The following RAB11FIP4 variants were observed in gnomAD, a reference collection of about 807,000 sequenced individuals.
RAB11FIP4 encodes RAB11 family interacting protein 4, also known as rab11 family-interacting protein 4.
In RAB11FIP4, 23 loss-of-function variants were observed where a neutral mutation model predicts 74.3. That is an observed-to-expected ratio of 0.31 (90% CI 0.22 to 0.44). The LOEUF is 0.44. Ranked by LOEUF, RAB11FIP4 falls within the 20% of genes least tolerant of loss-of-function variation. RAB11FIP4 has a pLI of 1.00. For synonymous variants in RAB11FIP4, 360 were observed against 359.9 expected, an observed-to-expected ratio of 1.00 and a Z score of 0.00; for missense variants, 630 against 863.9, an observed-to-expected ratio of 0.73 and a Z score of 3.39.
At chr17:31,528,366 C>G in intron 11 of RAB11FIP4, 40 bp from the exon 12 acceptor site, 1 of 1,596,416 alleles carries the variant, frequency 6.3e-7, no homozygotes, top group South Asian at 1.1e-5. Flanking sequence ...GAGCCCCTCT[C>G]TGGGAACTCT....
At chr17:31,435,406 T>C (rs1164877577) in intron 3 of RAB11FIP4, among the ~76,000 whole-genome samples, 2 of 152,204 alleles carry the variant, frequency 1.3e-5, no homozygotes, top group Non-Finnish European at 2.9e-5. Context: ...GTGTTTCTTA[T>C]GAAACTTTGA....
intron 3 of RAB11FIP4, chr17:31,488,468 C>A: frequency 1.8e-6 from 1 of 542,388 alleles, no homozygotes; most frequent in Non-Finnish European, 2.4e-6. Context: ...AGCGCAGTTC[C>A]AGGAAGTGCT....
rs2072958668 is a variant in RAB11FIP4 at position 31,536,149 on chromosome 17, C to A, written c.*4417C>A. The A allele has an allele frequency of 6.6e-6, 1 of 152,130 alleles. No individual in the cohort carries two copies. Among genetic ancestry groups the A allele is most frequent in the Admixed American group, 6.5e-5 (1 of 15,268 alleles). 9.4% of individuals were successfully genotyped at this position (152,130 alleles called of 1,614,324 possible). On this transcript the variant is annotated 3_prime_UTR_variant, in exon 15 of 15. Coordinates refer to ENST00000621161, the MANE Select transcript of RAB11FIP4 (RefSeq NM_032932.6). ...GTGAAACTGGGAGAAATGAAGCCCT[C>A]TGTGTCCTGTGTGTGTGGTGGGGTT...
At chr17:31,413,276 C>T (rs549868983) in intron 1 of RAB11FIP4, among the ~76,000 whole-genome samples, 3 of 152,118 alleles carry the variant, frequency 2.0e-5, no homozygotes, top group African/African-American at 7.2e-5. Context: ...CCAGCACCCC[C>T]CTTTGATGAG....
chr17:31,521,131 G>A, intron 4 of RAB11FIP4, 35 bp from the exon 5 acceptor site: 2 of 1,485,510 alleles, frequency 1.3e-6, no homozygotes, highest in Non-Finnish European at 1.8e-6. Context: ...GGACCCATGA[G>A]TCCTCCTCTG....
intron 5 of RAB11FIP4, 92 bp downstream of exon 5, chr17:31,521,452 C>A: frequency 2.6e-6 from 3 of 1,157,806 alleles, no homozygotes; most frequent in Admixed American, 2.7e-5. Flanking sequence ...GAGTCCTGAG[C>A]TGGCCCTTTT....
chr17:31,445,563 TATATATATATA>T (rs1377753872), intron 3 of RAB11FIP4, among the ~76,000 whole-genome samples: 6 of 12,460 alleles, frequency 4.8e-4, no homozygotes, highest in African/African-American at 1.1e-3. Context: ...TATATATATA[TATATATATATA>T]TATATTTTTT....
chr17:31,417,915 A>G (rs2071163251), intron 1 of RAB11FIP4, among the ~76,000 whole-genome samples: 1 of 152,184 alleles, frequency 6.6e-6, no homozygotes, highest in Non-Finnish European at 1.5e-5. Context: ...CCTGGGCAAC[A>G]TAATGAGACC....
Position 31,495,213 on chromosome 17 carries a change from C to T in RAB11FIP4, c.337-22438C>T, listed in dbSNP as rs144434069. ...CCAGACAAAAAGGTGCAGGCTGTGCCACCGCCCAGCCACACTGGGTGACTG... is the reference window on the plus strand; with the variant it reads ...CCAGACAAAAAGGTGCAGGCTGTGCTACCGCCCAGCCACACTGGGTGACTG... On this transcript the variant is annotated intron_variant, in intron 3 of 14. Transcript: ENST00000621161. Among the ~76,000 whole-genome samples the T allele has an allele frequency of 5.3e-3, 802 of 152,276 alleles. 5 individuals are homozygous for T. The highest frequency in any genetic ancestry group is 0.018 in the African/African-American group (751 of 41,550).
At chr17:31,500,297 T>C (rs1346191473) in intron 3 of RAB11FIP4, among the ~76,000 whole-genome samples, 1 of 152,062 alleles carries the variant, frequency 6.6e-6, no homozygotes, top group Non-Finnish European at 1.5e-5. Flanking sequence ...GTTTGGGCCA[T>C]GTCACAGGCC....
At chr17:31,524,571 G>A (rs2142823147) in intron 9 of RAB11FIP4, 1 of 178,010 alleles carries the variant, frequency 5.6e-6, no homozygotes, top group African/African-American at 2.4e-5. Context: ...GGTCAGCCTG[G>A]TGGAGGGGCT....
chr17:31,530,218 G>A lies in RAB11FIP4; in HGVS notation c.1654-108G>A, dbSNP rs980158331. The A allele has an allele frequency of 3.5e-6, 5 of 1,408,470 alleles. No individual in the cohort carries two copies. The African/African-American group carries it at 7.1e-5, about 20-fold the overall frequency. 87.2% of individuals were successfully genotyped at this position (1,408,470 alleles called of 1,614,324 possible). On this transcript the variant is annotated intron_variant, in intron 13 of 14. Transcript: ENST00000621161. The stretch of plus-strand genomic sequence containing the variant: ...TGAACCAGCCGTGACACACACCTGT[G>A]GGAATGGCGCTGGCGGCAGGTCGGG...
At chr17:31,524,046 AG>A (rs751896202) in intron 9 of RAB11FIP4, 50 bp downstream of exon 9, 4 of 1,372,602 alleles carry the variant, frequency 2.9e-6, no homozygotes, top group South Asian at 1.2e-5. Flanking sequence ...TGGGGAACAA[AG>A]GGGGGTCCAT....
intron 5 of RAB11FIP4, 35 bp from the exon 6 acceptor site, chr17:31,521,880 A>C (rs1442599762): frequency 1.2e-6 from 2 of 1,613,402 alleles, no homozygotes; most frequent in Non-Finnish European, 1.7e-6. Flanking sequence ...ACTGGACAGC[A>C]GTTAAGGTGG....
chr17:31,454,574 T>G (rs1487074253), intron 3 of RAB11FIP4, among the ~76,000 whole-genome samples: 1 of 151,956 alleles, frequency 6.6e-6, no homozygotes, highest in Non-Finnish European at 1.5e-5. Context: ...GTGCCTTGCC[T>G]AAGTCTGATT....
chr17:31,526,241 A>G (rs2072764814), intron 10 of RAB11FIP4: 1 of 152,280 alleles, frequency 6.6e-6, no homozygotes, highest in African/African-American at 2.4e-5. Flanking sequence ...CTGGCCCAAG[A>G]GAGGTGGCTG....
intron 3 of RAB11FIP4, among the ~76,000 whole-genome samples, chr17:31,502,980 C>T (rs1005585469): frequency 6.6e-5 from 10 of 151,958 alleles, no homozygotes; most frequent in African/African-American, 2.4e-4. Context: ...GCGTTAGGGC[C>T]CACCCATTAG....
At chr17:31,456,381 A>AT (rs999171293) in intron 3 of RAB11FIP4, among the ~76,000 whole-genome samples, 5 of 152,064 alleles carry the variant, frequency 3.3e-5, no homozygotes, top group African/African-American at 1.2e-4. Flanking sequence ...TAACGTTTGT[A>AT]TTTTTTGTAG....
intron 13 of RAB11FIP4, among the ~76,000 whole-genome samples, chr17:31,529,011 G>A (rs1321922389): frequency 1.3e-5 from 2 of 152,114 alleles, no homozygotes; most frequent in African/African-American, 4.8e-5. Flanking sequence ...GGTGCTCAGG[G>A]TGGAGGATGA....
Sources: allele counts gnomAD v4.1 joint callset (sites outside exome capture counted in the v4.1 genomes callset), GRCh38; gene constraint gnomAD v4.1.1; transcripts MANE v1.5; gene names NCBI Gene and HGNC (gene_info 2026-07-23, HGNC 2026-07-21).